The following MSRA variants were observed in gnomAD, a reference collection of about 807,000 sequenced individuals.
MSRA encodes methionine sulfoxide reductase A, also known as mitochondrial peptide methionine sulfoxide reductase.
MSRA carries 54 observed loss-of-function variants against 31.3 expected under a neutral mutation model. The ratio of observed to expected loss-of-function variants is 1.73; its 90% CI spans 1.39 to 2.17. MSRA has a LOEUF of 2.17. Ranked by LOEUF, MSRA falls within the 30% of genes most tolerant of loss-of-function variation. MSRA has a pLI of 0.00. For missense variants in MSRA, 507 were observed against 300.9 expected, an observed-to-expected ratio of 1.69 and a Z score of -5.07; for synonymous variants, 169 against 116.5, an observed-to-expected ratio of 1.45 and a Z score of -2.90.
intron 1 of MSRA, among the ~76,000 whole-genome samples, chr8:10,130,953 C>T (rs939896985): frequency 6.6e-6 from 1 of 152,168 alleles, no homozygotes; most frequent in Non-Finnish European, 1.5e-5. Context: ...TAAGAATCCT[C>T]AGTGTGCTTT....
chr8:10,337,886 T>A, intron 5 of MSRA: 1 of 690,166 alleles, frequency 1.4e-6, no homozygotes, highest in Non-Finnish European at 2.6e-6. Context: ...AATGCACACA[T>A]TCTTTGTTAT....
Position 10,207,840 on chromosome 8 carries a change from TC to T in MSRA, c.151del (p.His51MetfsTer35). On this transcript the variant is annotated frameshift_variant, in exon 2 of 6. Transcript: ENST00000317173. LOFTEE classifies it high-confidence loss of function. ...CTTTTTTTTTTTTTCTAGCCAAACATCATGTCAATGGCAACAGAACAGTCGA... is the reference window on the plus strand; with the variant it reads ...CTTTTTTTTTTTTTCTAGCCAAACATATGTCAATGGCAACAGAACAGTCGA... ...KEQTPVAAKH[H>X]VNGNRTVEPF... is the part of the protein sequence containing the mutation. 1 of 1,608,300 alleles carries T rather than the reference TC, an allele frequency of 6.2e-7. No individual in the cohort carries two copies. Among genetic ancestry groups the T allele is most frequent in the East Asian group, 2.2e-5 (1 of 44,796 alleles).
chr8:10,259,585 G>C (rs1229952849), intron 3 of MSRA, among the ~76,000 whole-genome samples: 1 of 152,040 alleles, frequency 6.6e-6, no homozygotes, highest in Non-Finnish European at 1.5e-5. Flanking sequence ...CATTTCTTCT[G>C]AGTACTTACT....
At chr8:10,173,604 A>C (rs1234006468) in intron 1 of MSRA, among the ~76,000 whole-genome samples, 1 of 152,176 alleles carries the variant, frequency 6.6e-6, no homozygotes, top group Non-Finnish European at 1.5e-5. Flanking sequence ...ACGTATGCTC[A>C]GCACTCCTTG....
rs189500105 is a variant in MSRA, at chr8:10,311,986, C to G, written c.437-7897C>G. On this transcript the variant is annotated intron_variant, in intron 4 of 5. Coordinates refer to ENST00000317173, the MANE Select transcript of MSRA (RefSeq NM_012331.5). ...ATGGAAATTGTAAAATACTTTGAAT[C>G]AAATGATAATTAAAATACTGTATGT... Among the ~76,000 whole-genome samples the G allele has an allele frequency of 1.2e-4, 19 of 152,168 alleles. No homozygotes were observed. The East Asian group carries it at 3.7e-3, about 29-fold the overall frequency.
intron 1 of MSRA, among the ~76,000 whole-genome samples, chr8:10,142,452 A>G (rs895232639): frequency 6.6e-6 from 1 of 152,230 alleles, no homozygotes; most frequent in Admixed American, 6.5e-5. Flanking sequence ...TCTAGGCTGC[A>G]CTGCCCTTCA....
At chr8:10,392,483 C>T (rs944252473) in intron 5 of MSRA, among the ~76,000 whole-genome samples, 2 of 152,102 alleles carry the variant, frequency 1.3e-5, no homozygotes, top group Admixed American at 1.3e-4. Flanking sequence ...CCTGCTCCTG[C>T]CCAGAGCTGC....
intron 1 of MSRA, among the ~76,000 whole-genome samples, chr8:10,139,945 C>T (rs745501438): frequency 3.3e-5 from 5 of 152,164 alleles, no homozygotes; most frequent in East Asian, 1.9e-4. Context: ...TCTTACCCAT[C>T]GCTGGGTTTC....
At chr8:10,206,495 C>G (rs542289924) in intron 1 of MSRA, among the ~76,000 whole-genome samples, 24 of 152,326 alleles carry the variant, frequency 1.6e-4, no homozygotes, top group Admixed American at 1.0e-3. Flanking sequence ...CTACAGGCAG[C>G]TTCCCATGGG....
chr8:10,143,046 T>G (rs1028044845), intron 1 of MSRA, among the ~76,000 whole-genome samples: 2 of 152,190 alleles, frequency 1.3e-5, no homozygotes, highest in African/African-American at 4.8e-5. Flanking sequence ...GTAGAAGATT[T>G]CACTGGGGCA....
Position 10,367,482 on chromosome 8 carries a change from A to G in MSRA, c.543+47493A>G, listed in dbSNP as rs1805233614. Among the ~76,000 whole-genome samples the G allele has an allele frequency of 2.0e-5, 3 of 152,254 alleles. No homozygotes were observed. The South Asian group carries it at 6.2e-4, about 32-fold the overall frequency. On this transcript the variant is annotated intron_variant, in intron 5 of 5. Transcript: ENST00000317173. ...GGGTCTTGGAACATATCCCTCATGG[A>G]TAAGGAGGGCTTCCGTATTAGCAGG...
At chr8:10,178,171 C>G (rs1215938015) in intron 1 of MSRA, among the ~76,000 whole-genome samples, 1 of 152,266 alleles carries the variant, frequency 6.6e-6, no homozygotes, top group Admixed American at 6.5e-5. Flanking sequence ...TTTAAAATGT[C>G]TGCATTGTCC....
rs143319898 is a variant in MSRA at position 10,228,831 on chromosome 8, G to C, written c.212-16273G>C. 1.3e-4 allele frequency among the ~76,000 whole-genome samples: 20 copies of C among 152,244 alleles called. 1 individual carries two copies. In the East Asian group the frequency reaches 3.7e-3, roughly 28 times the overall value. Reference sequence around the variant, plus strand: ...CCACATATACAGATATCAGTGTGTGGCTCACAGCAGGCATTTGGTGGATAC... The same window carrying C: ...CCACATATACAGATATCAGTGTGTGCCTCACAGCAGGCATTTGGTGGATAC... On this transcript the variant is annotated intron_variant, in intron 2 of 5. Transcript: ENST00000317173.
rs1554526776 is a variant in MSRA at position 10,323,770 on chromosome 8, G to GTGTGTC, written c.543+3791_543+3796dup. The stretch of plus-strand genomic sequence containing the variant: ...CGTGTGTGTGTGTGTGTGTGTGTGT[G>GTGTGTC]TGTGTCTGTGTCTGTCTGTCTGCAT... On this transcript the variant is annotated intron_variant, in intron 5 of 5. Coordinates refer to ENST00000317173, the MANE Select transcript of MSRA (RefSeq NM_012331.5). 6.1e-3 allele frequency among the ~76,000 whole-genome samples: 932 copies of GTGTGTC among 151,664 alleles called. 13 individuals are homozygous for GTGTGTC. Among genetic ancestry groups the GTGTGTC allele is most frequent in the African/African-American group, 0.021 (874 of 41,294 alleles).
intron 1 of MSRA, among the ~76,000 whole-genome samples, chr8:10,185,361 C>T (rs1271455677): frequency 6.6e-6 from 1 of 152,154 alleles, no homozygotes; most frequent in African/African-American, 2.4e-5. Context: ...AGGGTTTCCC[C>T]CAAAGATTTT....
chr8:10,385,371 C>A (rs1806322442), intron 5 of MSRA, among the ~76,000 whole-genome samples: 1 of 152,122 alleles, frequency 6.6e-6, no homozygotes, highest in Admixed American at 6.5e-5. Context: ...GAAATTAGGG[C>A]CTGGTTGAGG....
chr8:10,275,598 A>G (rs1799279622), intron 3 of MSRA, among the ~76,000 whole-genome samples: 1 of 152,212 alleles, frequency 6.6e-6, no homozygotes. Flanking sequence ...AGTCATAGTA[A>G]AAAGCAAGAG....
Position 10,382,667 on chromosome 8 carries a change from C to G in MSRA, c.544-45481C>G, listed in dbSNP as rs148050294. On this transcript the variant is annotated intron_variant, in intron 5 of 5. Coordinates refer to ENST00000317173, the MANE Select transcript of MSRA (RefSeq NM_012331.5). ...ACTACAGTTACTGAGGCAAACACCT[C>G]ATCTCTGCATTCAGAGTTAGCAGAG... is the stretch of plus-strand genomic sequence containing the variant. Among the ~76,000 whole-genome samples the G allele has an allele frequency of 2.1e-3, 325 of 152,310 alleles. 1 individual carries two copies. Among genetic ancestry groups the G allele is most frequent in the African/African-American group, 7.6e-3 (316 of 41,566 alleles).
chr8:10,243,009 G>A (rs188803258), intron 2 of MSRA, among the ~76,000 whole-genome samples: 1 of 152,094 alleles, frequency 6.6e-6, no homozygotes, highest in Non-Finnish European at 1.5e-5. Flanking sequence ...ATTAAAAGGG[G>A]ATTAAATATC....
Sources: gnomAD v4.1 joint callset for allele counts (sites outside exome capture counted in the v4.1 genomes callset) on GRCh38, gnomAD v4.1.1 for gene constraint, MANE v1.5 for transcripts, NCBI Gene and HGNC (gene_info 2026-07-23, HGNC 2026-07-21) for gene names.